Variants in CPEB3 observed in about 807,000 individuals in gnomAD.
The protein encoded by CPEB3 is cytoplasmic polyadenylation element-binding protein 3.
A neutral mutation model predicts 67.2 loss-of-function variants in CPEB3; 20 were observed. The ratio of observed to expected loss-of-function variants is 0.30; its 90% CI spans 0.21 to 0.43. The LOEUF (loss-of-function observed/expected upper bound fraction) is 0.43. CPEB3 is among the 20% of genes least tolerant of loss of function. CPEB3 has a pLI of 1.00. For missense variants in CPEB3, 746 were observed against 968.6 expected (o/e 0.77, Z 3.05); for synonymous variants, 376 against 393.1 (o/e 0.96, Z 0.51).
intron 6 of CPEB3, chr10:92,118,737 T>C: frequency 2.7e-6 from 2 of 747,808 alleles, no homozygotes; most frequent in Non-Finnish European, 5.0e-6. Flanking sequence ...AGAAATGCTG[T>C]TCCTTTGGGA....
intron 3 of CPEB3, among the ~76,000 whole-genome samples, chr10:92,182,705 A>AGC (rs1848511895): frequency 6.6e-6 from 1 of 152,042 alleles, no homozygotes; most frequent in East Asian, 1.9e-4. Context: ...GGATGCCCAT[A>AGC]ATCCCAGCTA....
At chr10:92,165,403 CTTTTTTTT>C (rs34205234) in intron 4 of CPEB3, among the ~76,000 whole-genome samples, 4 of 121,480 alleles carry the variant, frequency 3.3e-5, no homozygotes, top group South Asian at 2.4e-4. Context: ...CTTTTTTCTT[CTTTTTTTT>C]TTTTTTTTTT....
chr10:92,073,815 C>T (rs1402725782), intron 9 of CPEB3, among the ~76,000 whole-genome samples: 1 of 152,142 alleles, frequency 6.6e-6, no homozygotes, highest in Non-Finnish European at 1.5e-5. Flanking sequence ...CCTCAGTTGT[C>T]AAGGATCTTG....
intron 2 of CPEB3, among the ~76,000 whole-genome samples, chr10:92,198,792 A>G (rs1849362183): frequency 6.6e-6 from 1 of 152,216 alleles, no homozygotes; most frequent in South Asian, 2.1e-4. Flanking sequence ...CTGATCAGAA[A>G]TAAGGACATA....
chr10:92,289,195 T>C (rs992771738), intron 1 of CPEB3, among the ~76,000 whole-genome samples: 1 of 152,232 alleles, frequency 6.6e-6, no homozygotes, highest in African/African-American at 2.4e-5. Flanking sequence ...TGAGCCAAGA[T>C]AGTGCCACTG....
chr10:92,275,561 A>C (rs1056923662), intron 1 of CPEB3, among the ~76,000 whole-genome samples: 1 of 152,146 alleles, frequency 6.6e-6, no homozygotes, highest in Non-Finnish European at 1.5e-5. Context: ...TCACTCACTT[A>C]AAGTGTACAA....
In CPEB3 at chr10:92,266,753, G is replaced by A. The variant is rs113585795; in HGVS notation, c.-12+24173C>T. Among the ~76,000 whole-genome samples, 556 of 152,296 alleles carry A rather than the reference G, an allele frequency of 3.7e-3. 3 individuals are homozygous for A. Among genetic ancestry groups the A allele is most frequent in the African/African-American group, 0.013 (522 of 41,552 alleles). Reference sequence around the variant, plus strand: ...AGAATATTTAGCTTAGATGGTCATGGCTGGGCACGGTGGCTCACGCCTGTA... The same window carrying A: ...AGAATATTTAGCTTAGATGGTCATGACTGGGCACGGTGGCTCACGCCTGTA... On this transcript the variant is annotated intron_variant, in intron 1 of 9. Coordinates refer to ENST00000265997, the MANE Select transcript of CPEB3 (RefSeq NM_014912.5).
intron 6 of CPEB3, among the ~76,000 whole-genome samples, chr10:92,135,401 C>A (rs1846043634): frequency 6.6e-6 from 1 of 152,146 alleles, no homozygotes; most frequent in African/African-American, 2.4e-5. Context: ...CCAACAGACA[C>A]ATGAAAAAAT....
intron 1 of CPEB3, among the ~76,000 whole-genome samples, chr10:92,262,236 C>T (rs1564916888): frequency 6.6e-6 from 1 of 152,136 alleles, no homozygotes; most frequent in African/African-American, 2.4e-5. Flanking sequence ...AGGGTATCAA[C>T]ATTATATTAT....
chr10:92,180,814 G>C (rs1848425434), intron 4 of CPEB3, 149 bp downstream of exon 4: 7 of 578,424 alleles, frequency 1.2e-5, no homozygotes, highest in Admixed American at 6.7e-5. Flanking sequence ...GCTGGTCCAG[G>C]GACCACACTT....
chr10:92,184,419 G>A (rs544488701), intron 3 of CPEB3, among the ~76,000 whole-genome samples: 1 of 152,180 alleles, frequency 6.6e-6, no homozygotes, highest in South Asian at 2.1e-4. Context: ...CCTGGCCAAC[G>A]TGGTGAAACC....
At chr10:92,135,210 C>G (rs1184195017) in intron 6 of CPEB3, among the ~76,000 whole-genome samples, 1 of 152,130 alleles carries the variant, frequency 6.6e-6, no homozygotes, top group African/African-American at 2.4e-5. Flanking sequence ...AAGAAACTAC[C>G]ATCAGAGTGA....
At chr10:92,216,529 G>A (rs111378234) in intron 2 of CPEB3, 3 of 1,612,818 alleles carry the variant, frequency 1.9e-6, no homozygotes, top group East Asian at 4.5e-5. Context: ...GGGTGAAAGA[G>A]GTTCAGAAAT....
rs1024752495 is a variant in CPEB3, at chr10:92,278,297, T to C, written c.-12+12629A>G. ...AAGTCAGATGGAATTTTGATAGGGATTGCACTGAATCTGTAGATCAGTTTG... is the reference window on the plus strand; with the variant it reads ...AAGTCAGATGGAATTTTGATAGGGACTGCACTGAATCTGTAGATCAGTTTG... On this transcript the variant is annotated intron_variant, in intron 1 of 9. Transcript: ENST00000265997. Among the ~76,000 whole-genome samples, 4 of 152,174 alleles carry C rather than the reference T, an allele frequency of 2.6e-5. No homozygotes were observed. In the East Asian group the frequency reaches 7.7e-4, roughly 29 times the overall value.
At chr10:92,271,617 T>C (rs1185532418) in intron 1 of CPEB3, among the ~76,000 whole-genome samples, 1 of 152,206 alleles carries the variant, frequency 6.6e-6, no homozygotes, top group Admixed American at 6.5e-5. Context: ...ATCACATAAG[T>C]GATGTTGCGT....
At chr10:92,210,552 A>G (rs1000186943) in intron 2 of CPEB3, among the ~76,000 whole-genome samples, 1 of 152,224 alleles carries the variant, frequency 6.6e-6, no homozygotes, top group Non-Finnish European at 1.5e-5. Context: ...AGAAAAATAT[A>G]AACATACACG....
At chr10:92,199,862 C>G (rs1227174364) in intron 2 of CPEB3, among the ~76,000 whole-genome samples, 1 of 150,216 alleles carries the variant, frequency 6.7e-6, no homozygotes, top group Non-Finnish European at 1.5e-5. Flanking sequence ...ATATTCATTA[C>G]ATAATATACG....
intron 4 of CPEB3, among the ~76,000 whole-genome samples, chr10:92,154,379 C>CA (rs5786988): frequency 0.68 from 103,347 of 151,968 alleles, 36,991 homozygotes; most frequent in African/African-American, 0.91. Context: ...TATTTATTTT[C>CA]AATCTTATTC....
chr10:92,128,871 G>C (rs1053849689), intron 6 of CPEB3, among the ~76,000 whole-genome samples: 76 of 152,280 alleles, frequency 5.0e-4, no homozygotes, highest in African/African-American at 1.8e-3. Context: ...CACAGAAAAA[G>C]GAACGCTTAT....
Sources: gnomAD v4.1 joint callset for allele counts (sites outside exome capture counted in the v4.1 genomes callset) on GRCh38, gnomAD v4.1.1 for gene constraint, MANE v1.5 for transcripts, NCBI Gene and HGNC (gene_info 2026-07-23, HGNC 2026-07-21) for gene names.